SLIT2: variants seen among roughly 807,000 people sequenced by gnomAD.
SLIT2 encodes the protein slit homolog 2 protein.
A neutral mutation model predicts 185.7 loss-of-function variants in SLIT2; 41 were observed. That is an observed-to-expected ratio of 0.22 (90% CI 0.17 to 0.29). The LOEUF is 0.29. Ranked by LOEUF, SLIT2 falls within the 10% of genes least tolerant of loss-of-function variation. The pLI is 1.00. For synonymous variants in SLIT2, 693 were observed against 680.2 expected (o/e 1.02, Z -0.29); for missense variants, 1,571 against 1,909.0 (o/e 0.82, Z 3.30).
chr4:20,536,786 A>G (rs1722337535), intron 18 of SLIT2, among the ~76,000 whole-genome samples: 2 of 151,832 alleles, frequency 1.3e-5, no homozygotes, highest in South Asian at 4.2e-4. Context: ...ATATTTATAT[A>G]AGAATTTTTT....
At chr4:20,582,908 C>G (rs921914585) in intron 29 of SLIT2, among the ~76,000 whole-genome samples, 1 of 152,154 alleles carries the variant, frequency 6.6e-6, no homozygotes, top group Non-Finnish European at 1.5e-5. Context: ...TCATAAGTGA[C>G]TGATGGGCAG....
At chr4:20,432,772 T>A (rs181376058) in intron 4 of SLIT2, among the ~76,000 whole-genome samples, 14 of 152,342 alleles carry the variant, frequency 9.2e-5, no homozygotes, top group African/African-American at 3.4e-4. Context: ...AACTAAAATT[T>A]TCTTGAATAG....
intron 4 of SLIT2, among the ~76,000 whole-genome samples, chr4:20,305,701 C>A (rs1441033270): frequency 1.3e-5 from 2 of 151,260 alleles, no homozygotes; most frequent in East Asian, 1.9e-4. Flanking sequence ...GGTGAAACCC[C>A]ATCTCCACTA....
chr4:20,278,855 G>A (rs537385259), intron 4 of SLIT2, among the ~76,000 whole-genome samples: 357 of 151,976 alleles, frequency 2.3e-3, no homozygotes, highest in African/African-American at 8.2e-3. Context: ...CGAGAGGTGG[G>A]CATACTGAGT....
At chr4:20,372,381 C>CA (rs777310521) in intron 4 of SLIT2, among the ~76,000 whole-genome samples, 18 of 151,080 alleles carry the variant, frequency 1.2e-4, no homozygotes, top group South Asian at 2.1e-4. Context: ...TTAAATTTTA[C>CA]AAAAAACTAA....
intron 4 of SLIT2, among the ~76,000 whole-genome samples, chr4:20,283,180 T>C (rs1393237035): frequency 1.3e-5 from 2 of 152,046 alleles, no homozygotes; most frequent in Non-Finnish European, 2.9e-5. Flanking sequence ...ACTTTAACAT[T>C]TTATAGCTTA....
At chr4:20,381,006 C>T (rs1049027079) in intron 4 of SLIT2, among the ~76,000 whole-genome samples, 1 of 152,078 alleles carries the variant, frequency 6.6e-6, no homozygotes, top group African/African-American at 2.4e-5. Flanking sequence ...GTAATCCCAG[C>T]ACTTTGGGAG....
At chr4:20,616,746 A>T in intron 34 of SLIT2, 164 bp from the exon 35 acceptor site, 1 of 641,232 alleles carries the variant, frequency 1.6e-6, no homozygotes, top group Non-Finnish European at 2.6e-6. Context: ...CAAAACAAAA[A>T]CACACATCTC....
At chr4:20,387,439 A>G (rs553418908) in intron 4 of SLIT2, among the ~76,000 whole-genome samples, 3 of 152,194 alleles carry the variant, frequency 2.0e-5, no homozygotes, top group African/African-American at 4.8e-5. Flanking sequence ...ATTGTTTACC[A>G]TTTTTGGAAA....
At chr4:20,498,376 A>G (rs1344000705) in intron 9 of SLIT2, among the ~76,000 whole-genome samples, 1 of 152,188 alleles carries the variant, frequency 6.6e-6, no homozygotes, top group African/African-American at 2.4e-5. Context: ...AATAGTTGCA[A>G]TGCCTCCTGT....
At position 20,480,719 on chromosome 4, in the gene SLIT2, A is replaced by G. The variant is rs377545181; in HGVS notation, c.471A>G (p.Gln157=). 17 of 1,612,368 alleles carry G rather than the reference A, an allele frequency of 1.1e-5. No individual in the cohort carries two copies. In the African/African-American group the frequency reaches 2.0e-4, roughly 19 times the overall value. Residue 157 remains glutamine, a synonymous_variant, in exon 6 of 37, where the codon CAA becomes CAG. Coordinates refer to ENST00000504154, the MANE Select transcript of SLIT2 (RefSeq NM_004787.4). The part of the protein sequence containing the change: ...FRGAVDIKNL[Q]LDYNQISCIE... ...ATTCTTCTAATCTTTTTAACAGGCA[A>G]CTGGATTACAACCAGATCAGCTGTA...
At chr4:20,502,783 A>G (rs1718860771) in intron 9 of SLIT2, among the ~76,000 whole-genome samples, 1 of 152,216 alleles carries the variant, frequency 6.6e-6, no homozygotes, top group South Asian at 2.1e-4. Context: ...TATGAGGGAA[A>G]TTTTCTAGCA....
intron 18 of SLIT2, 100 bp downstream of exon 18, chr4:20,533,815 C>A (rs1041038428): frequency 1.0e-6 from 1 of 952,936 alleles, no homozygotes; most frequent in Non-Finnish European, 1.6e-6. Context: ...TTACCCACCC[C>A]ACTCCCTCTA....
At chr4:20,412,029 C>T (rs971836584) in intron 4 of SLIT2, among the ~76,000 whole-genome samples, 3 of 152,008 alleles carry the variant, frequency 2.0e-5, no homozygotes, top group South Asian at 2.1e-4. Flanking sequence ...AATATTCTTT[C>T]GTTTTATACT....
intron 4 of SLIT2, among the ~76,000 whole-genome samples, chr4:20,348,757 T>G (rs1456455092): frequency 6.6e-6 from 1 of 152,228 alleles, no homozygotes; most frequent in Non-Finnish European, 1.5e-5. Context: ...GTCTTAAATA[T>G]CCTGTGTTGG....
chr4:20,596,772 C>T (rs1728013409), intron 32 of SLIT2, 117 bp downstream of exon 32: 1 of 980,066 alleles, frequency 1.0e-6, no homozygotes. Flanking sequence ...CAGTTAAAAA[C>T]AGAAAATGCT....
chr4:20,486,401 G>T, intron 7 of SLIT2, 130 bp downstream of exon 7: 1 of 593,308 alleles, frequency 1.7e-6, no homozygotes, highest in Non-Finnish European at 3.0e-6. Flanking sequence ...CTTTGGAAAA[G>T]ACTAGATATG....
intron 4 of SLIT2, among the ~76,000 whole-genome samples, chr4:20,346,139 C>T (rs904995182): frequency 5.3e-5 from 8 of 152,092 alleles, no homozygotes; most frequent in African/African-American, 9.7e-5. Context: ...ACGACAAGCA[C>T]GCACCACTAT....
intron 29 of SLIT2, among the ~76,000 whole-genome samples, chr4:20,583,111 C>G (rs1035230429): frequency 6.6e-6 from 1 of 152,264 alleles, no homozygotes. Context: ...CCACAGAAAA[C>G]AAAACTGCCG....
Sources: gnomAD v4.1 joint callset for allele counts (sites outside exome capture counted in the v4.1 genomes callset) on GRCh38, gnomAD v4.1.1 for gene constraint, MANE v1.5 for transcripts, NCBI Gene and HGNC (gene_info 2026-07-23, HGNC 2026-07-21) for gene names.